Variants in PRPF6 observed in about 807,000 individuals in gnomAD.
PRPF6 encodes pre-mRNA processing factor 6.
A neutral mutation model predicts 118.3 loss-of-function variants in PRPF6; 42 were observed. That is an observed-to-expected ratio of 0.35 (90% CI 0.28 to 0.46). PRPF6 has a LOEUF of 0.46. Ranked by LOEUF, PRPF6 falls within the 20% of genes least tolerant of loss-of-function variation. The pLI, the probability that PRPF6 is intolerant of heterozygous loss-of-function variation, is 1.00. For missense variants in PRPF6, 662 were observed against 1,255.7 expected (o/e 0.53, Z 7.15); for synonymous variants, 481 against 485.1 (o/e 0.99, Z 0.11).
chr20:63,988,981 G>A (rs561558950), intron 3 of PRPF6, among the ~76,000 whole-genome samples: 15 of 152,130 alleles, frequency 9.9e-5, no homozygotes, highest in Non-Finnish European at 2.1e-4. Flanking sequence ...GGGAACACTT[G>A]ACTTCAAATT....
intron 11 of PRPF6, among the ~76,000 whole-genome samples, chr20:64,016,375 C>T (rs912626649): frequency 1.1e-4 from 17 of 152,104 alleles, no homozygotes; most frequent in African/African-American, 3.1e-4. Flanking sequence ...GATCCACCCT[C>T]GACCTCCCAA....
At chr20:63,989,081 A>G (rs568385750) in intron 3 of PRPF6, among the ~76,000 whole-genome samples, 20 of 152,220 alleles carry the variant, frequency 1.3e-4, no homozygotes, top group South Asian at 1.0e-3. Context: ...CCAGAAACAA[A>G]TAGGTACCTC....
chr20:63,997,138 T>G (rs2059144009), intron 6 of PRPF6, among the ~76,000 whole-genome samples: 2 of 152,116 alleles, frequency 1.3e-5, no homozygotes, highest in East Asian at 3.9e-4. Context: ...CCCCGTGCGC[T>G]TTCTCCCCAG....
chr20:63,983,017 G>T, intron 1 of PRPF6, 30 bp from the exon 2 acceptor site: 1 of 1,611,920 alleles, frequency 6.2e-7, no homozygotes, highest in Non-Finnish European at 8.5e-7. Context: ...GAGTTATTCA[G>T]ACACCCGGTG....
intron 6 of PRPF6, among the ~76,000 whole-genome samples, chr20:63,997,988 T>C (rs990521747): frequency 8.5e-5 from 13 of 152,242 alleles, no homozygotes; most frequent in African/African-American, 3.1e-4. Flanking sequence ...TGACGGACAC[T>C]TGGACCACTT....
Position 63,989,572 on chromosome 20 carries a change from T to G in PRPF6, c.360-3835T>G, listed in dbSNP as rs6011247. Among the ~76,000 whole-genome samples, 895 of 93,504 alleles carry G rather than the reference T, an allele frequency of 9.6e-3. 13 individuals carry two copies. The highest frequency in any genetic ancestry group is 0.045 in the African/African-American group (848 of 18,846). The allele number at this position is 93,504 out of a possible 152,430, so 61.3% of individuals were successfully genotyped here. Reference sequence around the variant, plus strand: ...TTGGCTCATTTCCTCTTTCTGTTGCTTTTTTTTATCTTGGCTCACTGCAAC... The same window carrying G: ...TTGGCTCATTTCCTCTTTCTGTTGCGTTTTTTTATCTTGGCTCACTGCAAC... On this transcript the variant is annotated intron_variant, in intron 3 of 20. Transcript: ENST00000266079.
intron 4 of PRPF6, 99 bp downstream of exon 4, chr20:63,993,584 C>G (rs192455338): frequency 1.7e-4 from 171 of 1,006,414 alleles, no homozygotes; most frequent in Admixed American, 1.2e-4. Flanking sequence ...TGAGACTTTA[C>G]GTTTTTAATT....
chr20:63,991,604 A>G (rs1416468596), intron 3 of PRPF6, among the ~76,000 whole-genome samples: 1 of 152,132 alleles, frequency 6.6e-6, no homozygotes, highest in South Asian at 2.1e-4. Flanking sequence ...ATCCTGGCCA[A>G]CATGGTGAAA....
chr20:64,010,980 C>A (rs2059214180), intron 10 of PRPF6, among the ~76,000 whole-genome samples: 2 of 152,186 alleles, frequency 1.3e-5, no homozygotes, highest in Non-Finnish European at 2.9e-5. Flanking sequence ...GTAGCCTCAT[C>A]CTGCTCGTCT....
chr20:63,992,467 G>T (rs1405749693), intron 3 of PRPF6, among the ~76,000 whole-genome samples: 2 of 151,854 alleles, frequency 1.3e-5, no homozygotes, highest in African/African-American at 4.8e-5. Context: ...TTACCACATT[G>T]GCCAGGCTTG....
rs113528716 is a variant in PRPF6, at chr20:63,988,824, G to A, written c.359+3799G>A. On this transcript the variant is annotated intron_variant, in intron 3 of 20. Transcript: ENST00000266079. The stretch of plus-strand genomic sequence containing the variant: ...GCAGAGGTTGCAGTCAGCTGAGATC[G>A]TGCCATTGCACTCCGGCCTGGGCAA... Among the ~76,000 whole-genome samples, 1,198 of 151,634 alleles carry A rather than the reference G, an allele frequency of 7.9e-3. 20 individuals are homozygous for A. The highest frequency in any genetic ancestry group is 0.028 in the African/African-American group (1,137 of 41,344).
chr20:64,006,685 G>A (rs1463821856), intron 9 of PRPF6, among the ~76,000 whole-genome samples: 1 of 152,140 alleles, frequency 6.6e-6, no homozygotes, highest in African/African-American at 2.4e-5. Context: ...CAGTGGAGAC[G>A]GGACTTGTGG....
chr20:64,025,943 A>G lies in PRPF6; in HGVS notation c.1913A>G (p.Asn638Ser), dbSNP rs756373021. The change falls in exon 15 of 21, where the codon AAC becomes AGC. Residue 638 changes from asparagine to serine, a missense_variant. Transcript: ENST00000266079. Reference protein sequence around the residue: ...RSILALAFQANPNSEEIWLAA... With the variant: ...RSILALAFQASPNSEEIWLAA... The stretch of plus-strand genomic sequence containing the variant: ...GCTGCTGTACTTGCCCTTCAGGCCA[A>G]CCCCAACAGTGAGGAGATCTGGCTG... 3.7e-6 allele frequency: 6 copies of G among 1,613,476 alleles called. No individual in the cohort carries two copies. Among genetic ancestry groups the G allele is most frequent in the South Asian group, 2.2e-5 (2 of 91,090 alleles).
chr20:64,024,229 A>G (rs1294112820), intron 13 of PRPF6, among the ~76,000 whole-genome samples: 1 of 152,160 alleles, frequency 6.6e-6, no homozygotes, highest in African/African-American at 2.4e-5. Flanking sequence ...TTCAAGATGA[A>G]AAGGCCTCCC....
Position 64,032,840 on chromosome 20 carries a change from G to A in PRPF6, c.2674-1G>A, listed in dbSNP as rs2059321538. 7 of 1,606,974 alleles carry A rather than the reference G, an allele frequency of 4.4e-6. No individual in the cohort carries two copies. Among genetic ancestry groups the A allele is most frequent in the Non-Finnish European group, 5.9e-6 (7 of 1,177,690 alleles). On this transcript the variant is annotated splice_acceptor_variant, in intron 20 of 20. Coordinates refer to ENST00000266079, the MANE Select transcript of PRPF6 (RefSeq NM_012469.4). LOFTEE classifies it high-confidence loss of function. ...CCTGACGTGCCCTGTGGTCCCCCCAGGAGCAGCAGGAGGAGGTGAGGAAGC... is the reference window on the plus strand; with the variant it reads ...CCTGACGTGCCCTGTGGTCCCCCCAAGAGCAGCAGGAGGAGGTGAGGAAGC...
intron 12 of PRPF6, 95 bp from the exon 13 acceptor site, chr20:64,022,662 A>G (rs988491867): frequency 5.8e-6 from 9 of 1,554,662 alleles, no homozygotes; most frequent in African/African-American, 2.7e-5. Flanking sequence ...AGCAGATATC[A>G]TCTTTCAGAA....
At chr20:64,014,986 C>T (rs1265010831) in intron 11 of PRPF6, among the ~76,000 whole-genome samples, 1 of 152,158 alleles carries the variant, frequency 6.6e-6, no homozygotes, top group Admixed American at 6.5e-5. Context: ...TTCAGGGTTC[C>T]TCCATGTTGT....
At position 63,995,313 on chromosome 20, in the gene PRPF6, C is replaced by T. The variant is rs868525427; in HGVS notation, c.616-14C>T. On this transcript the variant is annotated splice_polypyrimidine_tract_variant and intron_variant, in intron 5 of 20. Transcript: ENST00000266079. Reference sequence around the variant, plus strand: ...CCGTTGTTTTATTCTTGCCTTTCCTCTCTTCCCCTCCAGCAATTTGGAGGT... The same window carrying T: ...CCGTTGTTTTATTCTTGCCTTTCCTTTCTTCCCCTCCAGCAATTTGGAGGT... 1.9e-6 allele frequency: 3 copies of T among 1,605,092 alleles called. No individual in the cohort carries two copies. The highest frequency in any genetic ancestry group is 1.7e-5 in the Admixed American group (1 of 57,852).
intron 12 of PRPF6, among the ~76,000 whole-genome samples, chr20:64,019,698 A>G (rs1460911856): frequency 1.3e-5 from 2 of 152,226 alleles, no homozygotes; most frequent in Non-Finnish European, 2.9e-5. Context: ...TGCTCTATCC[A>G]GGGCCTGACC....
Sources: gnomAD v4.1 joint callset for allele counts (sites outside exome capture counted in the v4.1 genomes callset) on GRCh38, gnomAD v4.1.1 for gene constraint, MANE v1.5 for transcripts, NCBI Gene and HGNC (gene_info 2026-07-23, HGNC 2026-07-21) for gene names.